ST8SIA1: variants seen among roughly 807,000 people sequenced by gnomAD.
ST8SIA1 encodes the protein ST8 alpha-N-acetyl-neuraminide alpha-2,8-sialyltransferase 1.
A neutral mutation model predicts 35.9 loss-of-function variants in ST8SIA1; 16 were observed. That is an observed-to-expected ratio of 0.45 (90% CI 0.30 to 0.68). The LOEUF is 0.68. ST8SIA1 is among the 30% of genes least tolerant of loss of function. ST8SIA1 has a pLI of 0.09. For missense variants in ST8SIA1, 383 were observed against 453.6 expected (o/e 0.84, Z 1.41); for synonymous variants, 170 against 169.6 (o/e 1.00, Z -0.02).
At chr12:22,224,858 T>A (rs955352007) in intron 4 of ST8SIA1, among the ~76,000 whole-genome samples, 10 of 152,324 alleles carry the variant, frequency 6.6e-5, no homozygotes, top group African/African-American at 2.2e-4. Flanking sequence ...AACTTCAGAA[T>A]GTGACTTTAT....
intron 2 of ST8SIA1, among the ~76,000 whole-genome samples, chr12:22,266,976 T>C (rs1309546944): frequency 6.6e-6 from 1 of 152,168 alleles, no homozygotes; most frequent in African/African-American, 2.4e-5. Flanking sequence ...CCCCAAGGAA[T>C]TTGATGGTGT....
intron 1 of ST8SIA1, among the ~76,000 whole-genome samples, chr12:22,294,856 A>G (rs1469672321): frequency 6.6e-6 from 1 of 152,208 alleles, no homozygotes; most frequent in Admixed American, 6.5e-5. Context: ...ATTTCAATGA[A>G]TACTTATTTT....
In ST8SIA1 at chr12:22,329,135, T is replaced by C. The variant is rs181317891; in HGVS notation, c.236+4862A>G. The stretch of plus-strand genomic sequence containing the variant: ...AAAGAAAAACTGATGAAAGATGACA[T>C]TGGAGAAGTAATCAGAGCCAAATCA... On this transcript the variant is annotated intron_variant, in intron 1 of 4. Coordinates refer to ENST00000396037, the MANE Select transcript of ST8SIA1 (RefSeq NM_003034.4). Among the ~76,000 whole-genome samples the C allele has an allele frequency of 5.3e-5, 8 of 152,230 alleles. No homozygotes were observed. In the East Asian group the frequency reaches 7.7e-4, roughly 15 times the overall value.
chr12:22,197,032 C>T lies in ST8SIA1; in HGVS notation c.*4520G>A, dbSNP rs1473370773. 1 of 152,180 alleles carries T rather than the reference C, an allele frequency of 6.6e-6. No homozygotes were observed. The highest frequency in any genetic ancestry group is 1.5e-5 in the Non-Finnish European group (1 of 68,072). 9.4% of individuals were successfully genotyped at this position (152,180 alleles called of 1,614,324 possible). On this transcript the variant is annotated 3_prime_UTR_variant, in exon 5 of 5. Coordinates refer to ENST00000396037, the MANE Select transcript of ST8SIA1 (RefSeq NM_003034.4). ...TCATCTCCTTTCAACTTGCCTCACC[C>T]TCCTCCTAGCACATAGTGGAATGAA...
chr12:22,315,211 A>G (rs115986485), intron 1 of ST8SIA1, among the ~76,000 whole-genome samples: 3 of 152,302 alleles, frequency 2.0e-5, no homozygotes, highest in African/African-American at 7.2e-5. Flanking sequence ...TGAATTTAAA[A>G]AAAAAAAGTG....
intron 1 of ST8SIA1, among the ~76,000 whole-genome samples, chr12:22,302,048 T>C (rs1320650716): frequency 6.6e-6 from 1 of 152,204 alleles, no homozygotes; most frequent in Non-Finnish European, 1.5e-5. Context: ...AGTCCTACCA[T>C]GATTTGTCTT....
intron 2 of ST8SIA1, among the ~76,000 whole-genome samples, chr12:22,276,493 C>T (rs1177891571): frequency 1.3e-5 from 2 of 152,184 alleles, no homozygotes; most frequent in Non-Finnish European, 2.9e-5. Context: ...CAGCTTAGCA[C>T]AAGCTCCTGG....
At chr12:22,228,871 T>C (rs566944990) in intron 4 of ST8SIA1, among the ~76,000 whole-genome samples, 3 of 151,946 alleles carry the variant, frequency 2.0e-5, no homozygotes, top group African/African-American at 4.8e-5. Context: ...CTGGCCAACA[T>C]GGTGAAACCC....
chr12:22,320,999 GAAAGAAGAAAGAAAGAAAGAAAGAAAGAA>G lies in ST8SIA1; in HGVS notation c.236+12969_236+12997del, dbSNP rs1565595986. On this transcript the variant is annotated intron_variant, in intron 1 of 4. Transcript: ENST00000396037. The stretch of plus-strand genomic sequence containing the variant: ...AGAAAGAAAGAAAGAAAGAAAGAAA[GAAAGAAGAAAGAAAGAAAGAAAGAAAGAA>G]AGAAAGAGAAAGAGAAAGAAAAGAA... 1.9e-3 allele frequency among the ~76,000 whole-genome samples: 174 copies of G among 93,604 alleles called. 1 individual carries two copies. The highest frequency in any genetic ancestry group is 6.9e-3 in the African/African-American group (165 of 23,776). The allele number at this position is 93,604 out of a possible 152,430, so 61.4% of individuals were successfully genotyped here.
chr12:22,216,682 G>C (rs1591825998), intron 4 of ST8SIA1, among the ~76,000 whole-genome samples: 1 of 152,074 alleles, frequency 6.6e-6, no homozygotes, highest in South Asian at 2.1e-4. Context: ...AAAGACTAAT[G>C]TCCTTTATCT....
chr12:22,272,327 A>G (rs1284111629), intron 2 of ST8SIA1, among the ~76,000 whole-genome samples: 2 of 152,206 alleles, frequency 1.3e-5, no homozygotes, highest in Non-Finnish European at 1.5e-5. Flanking sequence ...TATGTCCTTT[A>G]CTAATTCCAA....
At position 22,334,124 on chromosome 12, in the gene ST8SIA1, C is replaced by T. The variant is rs766390990; in HGVS notation, c.109G>A (p.Val37Ile). ...RLPMGASALC[V>I]VVLCWLYIFP... ...ATGTAGAGCCAACAGAGGACCACGACACAGAGGGCACTGGCTCCCATGGGC... is the reference window on the plus strand; with the variant it reads ...ATGTAGAGCCAACAGAGGACCACGATACAGAGGGCACTGGCTCCCATGGGC... Residue 37 changes from valine to isoleucine, a missense_variant, in exon 1 of 5, where the codon GTC (valine) becomes ATC (isoleucine). Transcript: ENST00000396037. 1.2e-6 allele frequency: 2 copies of T among 1,614,158 alleles called. No individual in the cohort carries two copies. Among genetic ancestry groups the T allele is most frequent in the Non-Finnish European group, 1.7e-6 (2 of 1,180,020 alleles).
At chr12:22,303,824 C>T (rs968145088) in intron 1 of ST8SIA1, among the ~76,000 whole-genome samples, 9 of 147,956 alleles carry the variant, frequency 6.1e-5, no homozygotes, top group Non-Finnish European at 1.0e-4. Context: ...AAATCCGCCC[C>T]GCCACCACCA....
At chr12:22,257,796 A>G (rs1422816943) in intron 2 of ST8SIA1, among the ~76,000 whole-genome samples, 1 of 152,054 alleles carries the variant, frequency 6.6e-6, no homozygotes. Context: ...GCAGGGCCTT[A>G]TAGGGTATTG....
intron 1 of ST8SIA1, among the ~76,000 whole-genome samples, chr12:22,306,212 C>T (rs1382852890): frequency 1.3e-5 from 2 of 152,106 alleles, no homozygotes; most frequent in African/African-American, 4.8e-5. Context: ...TGTATAAAAC[C>T]AAGCTGTGCT....
chr12:22,310,762 G>A (rs1429190709), intron 1 of ST8SIA1, among the ~76,000 whole-genome samples: 1 of 151,836 alleles, frequency 6.6e-6, no homozygotes, highest in African/African-American at 2.4e-5. Context: ...TTACAATATC[G>A]TACATTCCTT....
chr12:22,320,305 A>ATTT (rs1010571927), intron 1 of ST8SIA1, among the ~76,000 whole-genome samples: 1 of 152,190 alleles, frequency 6.6e-6, no homozygotes, highest in African/African-American at 2.4e-5. Context: ...ATTACAGTCA[A>ATTT]GGCCCCACCC....
intron 1 of ST8SIA1, among the ~76,000 whole-genome samples, chr12:22,313,079 A>G (rs55742484): frequency 0.49 from 74,266 of 152,038 alleles, 19,705 homozygotes; most frequent in African/African-American, 0.67. Context: ...AGGCCATACC[A>G]AATGTGAATT....
rs919919688 is a variant in ST8SIA1, at chr12:22,195,515, G to A, written c.*6037C>T. Reference sequence around the variant, plus strand: ...TCCCCCATTACCACAAATTATGCAGGCAACATTCCAACATTTGGGGAAATC... The same window carrying A: ...TCCCCCATTACCACAAATTATGCAGACAACATTCCAACATTTGGGGAAATC... On this transcript the variant is annotated 3_prime_UTR_variant, in exon 5 of 5. Coordinates refer to ENST00000396037, the MANE Select transcript of ST8SIA1 (RefSeq NM_003034.4). 1 of 152,004 alleles carries A rather than the reference G, an allele frequency of 6.6e-6. No homozygotes were observed. The highest frequency in any genetic ancestry group is 6.6e-5 in the Admixed American group (1 of 15,242). 9.4% of individuals were successfully genotyped at this position (152,004 alleles called of 1,614,324 possible).
Sources: gnomAD v4.1 joint callset for allele counts (sites outside exome capture counted in the v4.1 genomes callset) on GRCh38, gnomAD v4.1.1 for gene constraint, MANE v1.5 for transcripts, NCBI Gene and HGNC (gene_info 2026-07-23, HGNC 2026-07-21) for gene names.